Variants in COQ4 observed in about 807,000 individuals in gnomAD.
COQ4 encodes the protein ubiquinone biosynthesis protein COQ4 homolog, mitochondrial.
COQ4 carries 36 observed loss-of-function variants against 30.2 expected under a neutral mutation model. That is an observed-to-expected ratio of 1.19 (90% CI 0.91 to 1.57). The LOEUF (loss-of-function observed/expected upper bound fraction) is 1.57, where lower values mean the gene tolerates loss of function less well. COQ4 is among the 40% of genes most tolerant of loss of function. The pLI is 0.00. For synonymous variants in COQ4, 197 were observed against 161.0 expected, an observed-to-expected ratio of 1.22 and a Z score of -1.69; for missense variants, 369 against 371.9, an observed-to-expected ratio of 0.99 and a Z score of 0.07.
intron 2 of COQ4, 29 bp from the exon 3 acceptor site, chr9:128,325,114 C>T: frequency 6.4e-7 from 1 of 1,551,966 alleles, no homozygotes; most frequent in Non-Finnish European, 8.9e-7. Context: ...GATGACATCC[C>T]CCATTTGTGC....
Position 128,332,957 on chromosome 9 carries a change from T to A in COQ4, c.626+14T>A. On this transcript the variant is annotated intron_variant, in intron 6 of 6. Coordinates refer to ENST00000300452, the MANE Select transcript of COQ4 (RefSeq NM_016035.5). ...ACTTGGCGCTCAGTAAGTTTTCAAG[T>A]GGTAGCTGGGTCGGGGTTGAGGGTG... The A allele has an allele frequency of 6.2e-7, 1 of 1,605,558 alleles. No individual in the cohort carries two copies. The highest frequency in any genetic ancestry group is 8.5e-7 in the Non-Finnish European group (1 of 1,172,270).
At chr9:128,324,638 C>T (rs1477749888) in intron 2 of COQ4, among the ~76,000 whole-genome samples, 1 of 152,014 alleles carries the variant, frequency 6.6e-6, no homozygotes, top group Non-Finnish European at 1.5e-5. Flanking sequence ...CATAGCAAGA[C>T]CTCATCTCTA....
At position 128,333,659 on chromosome 9, in the gene COQ4, C is replaced by T. The variant is rs753196999; in HGVS notation, c.*14C>T. Reference sequence around the variant, plus strand: ...GGCTTGGCCTGAGCTCCTGAGCCAGCGGGGCCTGGCCTACCTCCCCCATCC... The same window carrying T: ...GGCTTGGCCTGAGCTCCTGAGCCAGTGGGGCCTGGCCTACCTCCCCCATCC... On this transcript the variant is annotated 3_prime_UTR_variant, in exon 7 of 7. Transcript: ENST00000300452. 2.3e-5 allele frequency: 35 copies of T among 1,516,350 alleles called. No individual in the cohort carries two copies. The highest frequency in any genetic ancestry group is 3.6e-4 in the Middle Eastern group (2 of 5,568). 93.9% of individuals were successfully genotyped at this position (1,516,350 alleles called of 1,614,324 possible). A position where few individuals can be genotyped will look rare whatever the true frequency, so the allele number is the denominator to read the frequency against.
In COQ4 at chr9:128,322,912, A is replaced by T; in HGVS notation, c.54A>T (p.Leu18=). 1 of 1,599,124 alleles carries T rather than the reference A, an allele frequency of 6.3e-7. No homozygotes were observed. Among genetic ancestry groups the T allele is most frequent in the Non-Finnish European group, 8.5e-7 (1 of 1,176,964 alleles). The change falls in exon 1 of 7, where the codon CTA becomes CTT. Residue 18 remains leucine, a synonymous_variant. Transcript: ENST00000300452. Reference sequence around the variant, plus strand: ...GTCGGCTCTGCGGGCTCCCGGGCCTACAGCGGCCTGCGGCAGGCAAGTGGC... The same window carrying T: ...GTCGGCTCTGCGGGCTCCCGGGCCTTCAGCGGCCTGCGGCAGGCAAGTGGC... The part of the protein sequence containing the change: ...VLRRLCGLPG[L]QRPAAEMPLR...
At chr9:128,330,660 A>AT (rs1832390508) in intron 4 of COQ4, 1 of 151,438 alleles carries the variant, frequency 6.6e-6, no homozygotes, top group Non-Finnish European at 1.5e-5. Flanking sequence ...TGCCTGGCTA[A>AT]TTTTTGACCA....
At chr9:128,325,918 G>A (rs754124683) in intron 4 of COQ4, 37 bp downstream of exon 4, 1 of 1,556,930 alleles carries the variant, frequency 6.4e-7, no homozygotes, top group South Asian at 1.1e-5. Flanking sequence ...GCAGTCACCA[G>A]ACAGGACAGA....
At chr9:128,332,968 T>C in intron 6 of COQ4, 25 bp downstream of exon 6, 2 of 1,588,626 alleles carry the variant, frequency 1.3e-6, no homozygotes, top group Non-Finnish European at 1.7e-6. Context: ...GGTAGCTGGG[T>C]CGGGGTTGAG....
chr9:128,324,028 C>T (rs1832272233), intron 2 of COQ4, among the ~76,000 whole-genome samples: 1 of 152,152 alleles, frequency 6.6e-6, no homozygotes, highest in Admixed American at 6.5e-5. Flanking sequence ...CTGTGGCCCA[C>T]GCTGGAGTGC....
chr9:128,325,323 C>A, intron 3 of COQ4, 84 bp downstream of exon 3: 3 of 979,222 alleles, frequency 3.1e-6, no homozygotes, highest in Non-Finnish European at 3.1e-6. Context: ...TTGTTCTGTT[C>A]CGCTAGGGAG....
At chr9:128,323,172 C>G (rs1564389439) in intron 2 of COQ4, 25 bp downstream of exon 2, 1 of 1,563,748 alleles carries the variant, frequency 6.4e-7, no homozygotes, top group East Asian at 2.3e-5. Context: ...GCCTCGCCCC[C>G]GTGGGGGCGG....
chr9:128,328,747 G>A (rs2131228978), intron 4 of COQ4, among the ~76,000 whole-genome samples: 1 of 152,308 alleles, frequency 6.6e-6, no homozygotes, highest in Non-Finnish European at 1.5e-5. Flanking sequence ...ATTTCACCAG[G>A]ATGCAAGTCA....
At position 128,332,291 on chromosome 9, in the gene COQ4, C is replaced by T. The variant is rs369106281; in HGVS notation, c.532+9C>T. On this transcript the variant is annotated intron_variant, in intron 5 of 6. Transcript: ENST00000300452. Reference sequence around the variant, plus strand: ...GCCCACCAACATCCTGGGTGAGTGCCCCCAACCCTGATGGCCTGTCTCCCT... The same window carrying T: ...GCCCACCAACATCCTGGGTGAGTGCTCCCAACCCTGATGGCCTGTCTCCCT... 3.7e-6 allele frequency: 6 copies of T among 1,611,434 alleles called. No individual in the cohort carries two copies. In the African/African-American group the frequency reaches 6.7e-5, roughly 18 times the overall value.
Position 128,332,283 on chromosome 9 carries a change from G to T in COQ4, c.532+1G>T. Reference sequence around the variant, plus strand: ...CTGGGGATGCCCACCAACATCCTGGGTGAGTGCCCCCAACCCTGATGGCCT... The same window carrying T: ...CTGGGGATGCCCACCAACATCCTGGTTGAGTGCCCCCAACCCTGATGGCCT... On this transcript the variant is annotated splice_donor_variant, in intron 5 of 6. Transcript: ENST00000300452. LOFTEE classifies it high-confidence loss of function. The T allele has an allele frequency of 6.2e-7, 1 of 1,612,288 alleles. No individual in the cohort carries two copies.
intron 4 of COQ4, 52 bp downstream of exon 4, chr9:128,325,933 T>C: frequency 6.8e-7 from 1 of 1,479,384 alleles, no homozygotes. Context: ...GACAGAGGAA[T>C]AGCACAGGCA....
intron 2 of COQ4, among the ~76,000 whole-genome samples, chr9:128,324,800 G>T (rs1386030574): frequency 6.6e-6 from 1 of 152,164 alleles, no homozygotes; most frequent in African/African-American, 2.4e-5. Context: ...AGGTCACCTA[G>T]ATAGTGAACA....
intron 2 of COQ4, among the ~76,000 whole-genome samples, chr9:128,323,886 A>G (rs369995856): frequency 8.5e-5 from 13 of 152,352 alleles, no homozygotes; most frequent in African/African-American, 2.6e-4. Context: ...TCGAGACTGC[A>G]GTAAGTTGTG....
At chr9:128,327,038 G>A (rs182173932) in intron 4 of COQ4, among the ~76,000 whole-genome samples, 95 of 152,198 alleles carry the variant, frequency 6.2e-4, no homozygotes, top group Non-Finnish European at 9.6e-4. Context: ...GTGAGCCACC[G>A]TGCCCAGCCC....
intron 4 of COQ4, chr9:128,331,485 C>A (rs916083066): frequency 1.3e-5 from 2 of 152,282 alleles, no homozygotes; most frequent in Non-Finnish European, 2.9e-5. Context: ...GGAGTTACCA[C>A]AGTGAAGATG....
At position 128,333,711 on chromosome 9, in the gene COQ4, C is replaced by T. The variant is rs964702249; in HGVS notation, c.*66C>T. 1.4e-5 allele frequency: 18 copies of T among 1,308,306 alleles called. No individual in the cohort carries two copies. In the African/African-American group the frequency reaches 1.7e-4, roughly 12 times the overall value. 81.0% of individuals were successfully genotyped at this position (1,308,306 alleles called of 1,614,324 possible). On this transcript the variant is annotated 3_prime_UTR_variant, in exon 7 of 7. Transcript: ENST00000300452. Reference sequence around the variant, plus strand: ...CTGCTTCCCTTGGAGGCAGAGGGCTCCCTTGACTACCTTTGTTCCTCTTCT... The same window carrying T: ...CTGCTTCCCTTGGAGGCAGAGGGCTTCCTTGACTACCTTTGTTCCTCTTCT...
Sources: gnomAD v4.1 joint callset for allele counts (sites outside exome capture counted in the v4.1 genomes callset) on GRCh38, gnomAD v4.1.1 for gene constraint, MANE v1.5 for transcripts, NCBI Gene and HGNC (gene_info 2026-07-23, HGNC 2026-07-21) for gene names.